Variants in SULT2B1 observed in about 807,000 individuals in gnomAD.
SULT2B1 encodes the protein sulfotransferase family 2B member 1.
SULT2B1 carries 16 observed loss-of-function variants against 33.2 expected under a neutral mutation model. The ratio of observed to expected loss-of-function variants is 0.48; its 90% CI spans 0.33 to 0.73. SULT2B1 has a LOEUF of 0.73. Ranked by LOEUF, SULT2B1 falls within the 30% of genes least tolerant of loss-of-function variation. The pLI, the probability that SULT2B1 is intolerant of heterozygous loss-of-function variation, is 0.02. For missense variants in SULT2B1, 500 were observed against 506.0 expected, an observed-to-expected ratio of 0.99 and a Z score of 0.11; for synonymous variants, 186 against 200.5, an observed-to-expected ratio of 0.93 and a Z score of 0.61.
chr19:48,587,150 T>A, intron 2 of SULT2B1, 79 bp from the exon 3 acceptor site: 1 of 1,046,138 alleles, frequency 9.6e-7, no homozygotes, highest in Non-Finnish European at 1.4e-6. Flanking sequence ...GCTCAATAAG[T>A]GCTGTTGTGA....
intron 5 of SULT2B1, among the ~76,000 whole-genome samples, chr19:48,594,295 A>C (rs561016397): frequency 6.6e-6 from 1 of 152,166 alleles, no homozygotes; most frequent in East Asian, 1.9e-4. Flanking sequence ...AGGTAATTTT[A>C]TATGGTTTTC....
chr19:48,561,898 T>G (rs1442035839), intron 1 of SULT2B1, among the ~76,000 whole-genome samples: 1 of 152,124 alleles, frequency 6.6e-6, no homozygotes. Context: ...GTGGATCACC[T>G]GAGGTCGGGA....
chr19:48,564,485 A>ATGG, intron 1 of SULT2B1, among the ~76,000 whole-genome samples: 2 of 132,636 alleles, frequency 1.5e-5, no homozygotes, highest in Non-Finnish European at 1.6e-5. Context: ...CCCAGGAGGC[A>ATGG]AGGTTGCAGT....
chr19:48,574,507 A>G (rs1222796369), intron 1 of SULT2B1, among the ~76,000 whole-genome samples: 1 of 152,214 alleles, frequency 6.6e-6, no homozygotes, highest in Admixed American at 6.6e-5. Flanking sequence ...CCTCTCCTGT[A>G]AGCTGGGAAG....
intron 1 of SULT2B1, among the ~76,000 whole-genome samples, chr19:48,565,885 G>A (rs920872067): frequency 4.0e-5 from 6 of 150,782 alleles, no homozygotes; most frequent in African/African-American, 1.5e-4. Flanking sequence ...CCAAGTAGCT[G>A]AGAAGACAGG....
In SULT2B1 at chr19:48,591,763, G is replaced by A. The variant is rs777126964; in HGVS notation, c.550+28G>A. 4 of 1,541,472 alleles carry A rather than the reference G, an allele frequency of 2.6e-6. No individual in the cohort carries two copies. The Admixed American group carries it at 6.2e-5, about 24-fold the overall frequency. On this transcript the variant is annotated intron_variant, in intron 4 of 6. Coordinates refer to ENST00000201586, the MANE Select transcript of SULT2B1 (RefSeq NM_177973.2). ...GGGGACAGGGTAAAGCGGGGCAGGA[G>A]GGGTGGGGAGGAGCCCCAGAGGACC...
At chr19:48,586,463 G>A (rs557101689) in intron 2 of SULT2B1, among the ~76,000 whole-genome samples, 1 of 152,324 alleles carries the variant, frequency 6.6e-6, no homozygotes, top group African/African-American at 2.4e-5. Context: ...GAAGCAGAGA[G>A]GGAGTGGAGA....
chr19:48,566,477 T>G (rs1432824214), intron 1 of SULT2B1, among the ~76,000 whole-genome samples: 1 of 152,120 alleles, frequency 6.6e-6, no homozygotes, highest in Non-Finnish European at 1.5e-5. Context: ...GCTGGTGGGT[T>G]GCTTGAGGCC....
chr19:48,586,052 T>G (rs2544783), intron 2 of SULT2B1, among the ~76,000 whole-genome samples: 1 of 151,838 alleles, frequency 6.6e-6, no homozygotes, highest in Non-Finnish European at 1.5e-5. Context: ...CCGTATGTCT[T>G]CTAAAAATAA....
At chr19:48,564,770 A>G (rs567024274) in intron 1 of SULT2B1, among the ~76,000 whole-genome samples, 1 of 151,766 alleles carries the variant, frequency 6.6e-6, no homozygotes, top group Non-Finnish European at 1.5e-5. Context: ...CCCTCTAGCC[A>G]TCTATCAATC....
At chr19:48,559,579 C>T (rs10407019) in intron 1 of SULT2B1, among the ~76,000 whole-genome samples, 1 of 152,084 alleles carries the variant, frequency 6.6e-6, no homozygotes, top group African/African-American at 2.4e-5. Context: ...CCATGCTGGC[C>T]AGCTGAGTTC....
chr19:48,568,340 G>A (rs1330768480), intron 1 of SULT2B1, among the ~76,000 whole-genome samples: 1 of 151,996 alleles, frequency 6.6e-6, no homozygotes, highest in East Asian at 1.9e-4. Flanking sequence ...AGCAGGATGC[G>A]GAGATGGGCA....
At chr19:48,575,619 TACAGGCATGCGCCACC>T (rs1973394869) in intron 1 of SULT2B1, 1 of 198,206 alleles carries the variant, frequency 5.0e-6, no homozygotes, top group African/African-American at 2.3e-5. Context: ...TAACTGGGAG[TACAGGCATGCGCCACC>T]ACGCCTGGCT....
At position 48,587,373 on chromosome 19, in the gene SULT2B1, G is replaced by A. The variant is rs377120502; in HGVS notation, c.359G>A (p.Arg120His). The A allele has an allele frequency of 3.4e-5, 55 of 1,613,912 alleles. No individual in the cohort carries two copies. Among genetic ancestry groups the A allele is most frequent in the Admixed American group, 8.3e-5 (5 of 59,964 alleles). The change falls in exon 3 of 7, where the codon CGC (arginine) becomes CAC (histidine). Residue 120 changes from arginine (R) to histidine (H), a missense_variant. By Grantham distance (29) the Arg-to-His change is conservative. Transcript: ENST00000201586. ...AGCCTCCCGGACCAGTACAGCCCCC[G>A]CCTCATGAGCTCCCATCTTCCCATC... Reference protein sequence around the residue: ...AFSLPDQYSPRLMSSHLPIQI... With the variant: ...AFSLPDQYSPHLMSSHLPIQI...
chr19:48,587,486 G>A (rs1385131925), intron 3 of SULT2B1, 49 bp downstream of exon 3: 1 of 1,584,880 alleles, frequency 6.3e-7, no homozygotes, highest in African/African-American at 1.3e-5. Flanking sequence ...ATGGGTGTAT[G>A]GGGTAATGGG....
chr19:48,595,210 A>G (rs1973694438), intron 5 of SULT2B1, among the ~76,000 whole-genome samples: 1 of 151,928 alleles, frequency 6.6e-6, no homozygotes, highest in East Asian at 1.9e-4. Flanking sequence ...TGAACCCGGG[A>G]GGCAGAGGTT....
chr19:48,579,173 A>T (rs927239011), intron 2 of SULT2B1, among the ~76,000 whole-genome samples: 3 of 151,646 alleles, frequency 2.0e-5, no homozygotes, highest in Non-Finnish European at 4.4e-5. Context: ...ATAATATTTT[A>T]TGTTATGTAT....
intron 6 of SULT2B1, 129 bp downstream of exon 6, chr19:48,597,048 G>T (rs1479726134): frequency 2.5e-5 from 27 of 1,094,426 alleles, no homozygotes; most frequent in Non-Finnish European, 2.6e-5. Context: ...GGTCACTGTG[G>T]CCCCAGGGTT....
intron 1 of SULT2B1, among the ~76,000 whole-genome samples, chr19:48,558,452 C>A (rs1973131056): frequency 6.6e-6 from 1 of 152,068 alleles, no homozygotes; most frequent in African/African-American, 2.4e-5. Flanking sequence ...CCTCGGGCAG[C>A]CAAGGAGAGC....
Sources: allele counts gnomAD v4.1 joint callset (sites outside exome capture counted in the v4.1 genomes callset), GRCh38; gene constraint gnomAD v4.1.1; transcripts MANE v1.5; gene names NCBI Gene and HGNC (gene_info 2026-07-23, HGNC 2026-07-21).